Variants in EPSTI1 observed in about 807,000 individuals in gnomAD.
The protein encoded by EPSTI1 is epithelial-stromal interaction protein 1.
In EPSTI1, 66 loss-of-function variants were observed where a neutral mutation model predicts 49.9. The observed-to-expected ratio is 1.32, with a 90% confidence interval of 1.08 to 1.62. The LOEUF is 1.62. EPSTI1 is among the 40% of genes most tolerant of loss of function. EPSTI1 has a pLI of 0.00. For missense variants in EPSTI1, 394 were observed against 365.5 expected, an observed-to-expected ratio of 1.08 and a Z score of -0.64; for synonymous variants, 137 against 130.7, an observed-to-expected ratio of 1.05 and a Z score of -0.33.
At chr13:42,974,166 T>C (rs982697777) in intron 1 of EPSTI1, among the ~76,000 whole-genome samples, 3 of 150,964 alleles carry the variant, frequency 2.0e-5, no homozygotes, top group African/African-American at 7.3e-5. Context: ...TAAAACCCTG[T>C]CTCTACTAAA....
At chr13:42,917,112 C>G (rs1566114263) in intron 8 of EPSTI1, among the ~76,000 whole-genome samples, 1 of 152,192 alleles carries the variant, frequency 6.6e-6, no homozygotes, top group Non-Finnish European at 1.5e-5. Context: ...ATGTGTATAA[C>G]TATTTTTAGT....
At chr13:42,889,511 G>T (rs557667468) in intron 10 of EPSTI1, among the ~76,000 whole-genome samples, 1 of 152,008 alleles carries the variant, frequency 6.6e-6, no homozygotes, top group Non-Finnish European at 1.5e-5. Flanking sequence ...TACTGGTTCC[G>T]ATATTTCCTC....
chr13:42,897,657 T>G (rs1355593080), intron 9 of EPSTI1, among the ~76,000 whole-genome samples: 1 of 152,188 alleles, frequency 6.6e-6, no homozygotes, highest in East Asian at 1.9e-4. Flanking sequence ...CATAAGGTAA[T>G]GTGATTCACT....
Position 42,955,780 on chromosome 13 carries a change from C to T in EPSTI1, c.490-1759G>A, listed in dbSNP as rs536268091. Among the ~76,000 whole-genome samples the T allele has an allele frequency of 6.6e-4, 96 of 146,066 alleles. No individual in the cohort carries two copies. In the Middle Eastern group the frequency reaches 0.015, roughly 23 times the overall value. On this transcript the variant is annotated intron_variant, in intron 5 of 10. Coordinates refer to ENST00000313624, the MANE Select transcript of EPSTI1 (RefSeq NM_033255.5). ...TCGTGCCATTGCACTCCAGCCTGGG[C>T]GACAAGAGTGAAACTCCATCTCAGA...
At chr13:42,978,250 A>T (rs2039919892) in intron 1 of EPSTI1, among the ~76,000 whole-genome samples, 1 of 152,150 alleles carries the variant, frequency 6.6e-6, no homozygotes, top group South Asian at 2.1e-4. Flanking sequence ...TGGTCAGAGT[A>T]CAGTTTGGTT....
intron 3 of EPSTI1, among the ~76,000 whole-genome samples, chr13:42,966,401 T>G (rs2039615418): frequency 1.2e-4 from 3 of 24,420 alleles, no homozygotes; most frequent in African/African-American, 4.8e-4. Context: ...CGGCCGCCCA[T>G]CGTCTGAAAT....
intron 5 of EPSTI1, among the ~76,000 whole-genome samples, chr13:42,958,524 G>A (rs577719328): frequency 1.3e-4 from 20 of 152,284 alleles, no homozygotes; most frequent in Admixed American, 2.0e-4. Flanking sequence ...TGGGGAGACC[G>A]GAGGGAAGAT....
chr13:42,969,596 C>G lies in EPSTI1; in HGVS notation c.248-419G>C, dbSNP rs758237858. Reference sequence around the variant, plus strand: ...TCCCCAGAGAATTCTGATGCCCATACTCGCTTTATCTTCAATGCTCCCAAG... The same window carrying G: ...TCCCCAGAGAATTCTGATGCCCATAGTCGCTTTATCTTCAATGCTCCCAAG... On this transcript the variant is annotated intron_variant, in intron 2 of 10. Coordinates refer to ENST00000313624, the MANE Select transcript of EPSTI1 (RefSeq NM_033255.5). The G allele has an allele frequency of 9.3e-5, 18 of 194,194 alleles. No homozygotes were observed. In the Middle Eastern group the frequency reaches 6.4e-3, roughly 69 times the overall value. 12.0% of individuals were successfully genotyped at this position (194,194 alleles called of 1,614,324 possible). A position where few individuals can be genotyped will look rare whatever the true frequency, so the allele number is the denominator to read the frequency against.
chr13:42,980,174 A>C (rs2039962654), intron 1 of EPSTI1, among the ~76,000 whole-genome samples: 1 of 152,174 alleles, frequency 6.6e-6, no homozygotes, highest in South Asian at 2.1e-4. Context: ...CCAAGATGCC[A>C]CTGTGAGAAC....
intron 1 of EPSTI1, among the ~76,000 whole-genome samples, 154 bp downstream of exon 1, chr13:42,991,824 T>C (rs2040199375): frequency 1.3e-5 from 2 of 152,376 alleles, no homozygotes; most frequent in East Asian, 3.9e-4. Flanking sequence ...AGGTGCGGCA[T>C]GGATACTTTC....
chr13:42,910,442 TG>T (rs2037636659), intron 8 of EPSTI1, among the ~76,000 whole-genome samples: 1 of 151,854 alleles, frequency 6.6e-6, no homozygotes, highest in Non-Finnish European at 1.5e-5. Flanking sequence ...TTAGTAGAGA[TG>T]GGGTTTCACC....
Position 42,992,185 on chromosome 13 carries a change from C to T in EPSTI1, c.-20G>A. ...GTTCATGGTTCACAGCCCGCGGGTC[C>T]CGGGCCGCCGTCGCTGCGGGAGGGA... is the stretch of plus-strand genomic sequence containing the variant. On this transcript the variant is annotated 5_prime_UTR_variant, in exon 1 of 11. Coordinates refer to ENST00000313624, the MANE Select transcript of EPSTI1 (RefSeq NM_033255.5). 6.6e-7 allele frequency: 1 copy of T among 1,522,670 alleles called. No homozygotes were observed. The highest frequency in any genetic ancestry group is 8.8e-7 in the Non-Finnish European group (1 of 1,136,840). 94.3% of individuals were successfully genotyped at this position (1,522,670 alleles called of 1,614,324 possible). A position where few individuals can be genotyped will look rare whatever the true frequency, so the allele number is the denominator to read the frequency against.
rs79111014 is a variant in EPSTI1 at position 42,889,242 on chromosome 13, C to T, written c.916-740G>A. On this transcript the variant is annotated intron_variant, in intron 10 of 10. Transcript: ENST00000313624. ...TGCCTCGAAAAAACTAATAGAGAAC[C>T]CTAGAAAAATAAAAAAATATATTTT... 5.8e-3 allele frequency: 8,976 copies of T among 1,535,918 alleles called. 314 individuals carry two copies. The East Asian group carries it at 0.095, about 16-fold the overall frequency.
chr13:42,982,208 C>T (rs752436553), intron 1 of EPSTI1, among the ~76,000 whole-genome samples: 2 of 152,158 alleles, frequency 1.3e-5, no homozygotes, highest in Non-Finnish European at 2.9e-5. Flanking sequence ...TAAAACCCAC[C>T]AAAACCAAGA....
chr13:42,963,763 T>C (rs1218420765), intron 4 of EPSTI1, among the ~76,000 whole-genome samples: 2 of 152,244 alleles, frequency 1.3e-5, no homozygotes, highest in Admixed American at 1.3e-4. Flanking sequence ...TCCATATTCT[T>C]AGAACCAAAA....
At chr13:42,933,988 A>G in intron 6 of EPSTI1, 1 of 171,720 alleles carries the variant, frequency 5.8e-6, no homozygotes, top group Non-Finnish European at 1.3e-5. Context: ...TTTCCTGTAT[A>G]ATTCCAGAAT....
In EPSTI1 at chr13:42,992,130, G is replaced by A. The variant is rs535288908; in HGVS notation, c.36C>T (p.Leu12=). 2 of 1,606,614 alleles carry A rather than the reference G, an allele frequency of 1.2e-6. No individual in the cohort carries two copies. The highest frequency in any genetic ancestry group is 1.1e-5 in the South Asian group (1 of 90,316). The change falls in exon 1 of 11, where the codon CTC becomes CTT. Residue 12 remains leucine, a synonymous_variant. Transcript: ENST00000313624. ...NTRNRVVNSG[L]GASPASRPTR... is the part of the protein sequence containing the mutation. ...TCGGGCGGGAGGCAGGGGAGGCGCCGAGCCCGGAGTTCACCACTCTATTGC... is the reference window on the plus strand; with the variant it reads ...TCGGGCGGGAGGCAGGGGAGGCGCCAAGCCCGGAGTTCACCACTCTATTGC...
At chr13:42,924,368 C>A (rs1408330780) in intron 7 of EPSTI1, among the ~76,000 whole-genome samples, 1 of 152,128 alleles carries the variant, frequency 6.6e-6, no homozygotes, top group Non-Finnish European at 1.5e-5. Flanking sequence ...ACAGAAAATG[C>A]AGCTCTGGGA....
chr13:42,951,580 A>G (rs2039097826), intron 6 of EPSTI1, among the ~76,000 whole-genome samples: 1 of 152,100 alleles, frequency 6.6e-6, no homozygotes, highest in Non-Finnish European at 1.5e-5. Context: ...TTTTTTCTTT[A>G]TAGAAAAAGG....
Sources: allele counts gnomAD v4.1 joint callset (sites outside exome capture counted in the v4.1 genomes callset), GRCh38; gene constraint gnomAD v4.1.1; transcripts MANE v1.5; gene names NCBI Gene and HGNC (gene_info 2026-07-23, HGNC 2026-07-21).